PTPRD: variants seen among roughly 807,000 people sequenced by gnomAD.
PTPRD encodes the protein protein tyrosine phosphatase receptor type D.
Under a neutral mutation model 214.5 loss-of-function variants are expected in PTPRD, and 34 were observed. The observed-to-expected ratio is 0.16, with a 90% CI of 0.12 to 0.21. PTPRD has a LOEUF of 0.21. PTPRD is among the 10% of genes least tolerant of loss of function. The pLI is 1.00. For synonymous variants in PTPRD, 1,128 were observed against 845.7 expected (o/e 1.33, Z -5.79); for missense variants, 2,545 against 2,398.7 (o/e 1.06, Z -1.27).
At chr9:9,828,598 A>G (rs1768882) in intron 5 of PTPRD, among the ~76,000 whole-genome samples, 85,497 of 151,908 alleles carry the variant, frequency 0.56, 26,854 homozygotes, top group East Asian at 0.89. Context: ...ACATGTATAC[A>G]TATGTAACAA....
intron 34 of PTPRD, chr9:8,438,798 G>A (rs898707763): frequency 5.9e-5 from 9 of 152,296 alleles, no homozygotes; most frequent in African/African-American, 2.2e-4. Flanking sequence ...GGGAGGCGTA[G>A]GGGACTGAAT....
intron 5 of PTPRD, among the ~76,000 whole-genome samples, chr9:9,795,019 T>C (rs2098993086): frequency 6.6e-6 from 1 of 152,194 alleles, no homozygotes; most frequent in Admixed American, 6.5e-5. Context: ...CAGCTTGAGC[T>C]TCAATGTGCT....
intron 3 of PTPRD, among the ~76,000 whole-genome samples, chr9:10,236,827 T>G (rs1279804292): frequency 6.6e-6 from 1 of 151,952 alleles, no homozygotes; most frequent in African/African-American, 2.4e-5. Flanking sequence ...AGTAACTATG[T>G]ACAATATTTT....
At chr9:9,472,231 C>G (rs1250806352) in intron 8 of PTPRD, among the ~76,000 whole-genome samples, 2 of 118,738 alleles carry the variant, frequency 1.7e-5, no homozygotes, top group South Asian at 2.8e-4. Flanking sequence ...GAGTCTTGCT[C>G]TGTCGCCCAG....
chr9:9,516,867 G>C (rs748531977), intron 8 of PTPRD, among the ~76,000 whole-genome samples: 5 of 151,896 alleles, frequency 3.3e-5, no homozygotes, highest in Non-Finnish European at 7.4e-5. Context: ...AATTACTTCA[G>C]TCCATTTTAT....
rs2061715816 is a variant in PTPRD at position 9,379,874 on chromosome 9, T to G, written c.-203+17575A>C. ...AGGAAAGCAATTACCTTTTGTATCTTAACCTTGTATATGGAATCTTGTTTT... is the reference window on the plus strand; with the variant it reads ...AGGAAAGCAATTACCTTTTGTATCTGAACCTTGTATATGGAATCTTGTTTT... On this transcript the variant is annotated intron_variant, in intron 9 of 45. Transcript: ENST00000381196. Among the ~76,000 whole-genome samples, 3 of 152,048 alleles carry G rather than the reference T, an allele frequency of 2.0e-5. No homozygotes were observed. In the South Asian group the frequency reaches 6.2e-4, roughly 31 times the overall value.
At chr9:8,996,211 A>G (rs2099396001) in intron 11 of PTPRD, among the ~76,000 whole-genome samples, 1 of 152,076 alleles carries the variant, frequency 6.6e-6, no homozygotes. Context: ...ACTGTAAACA[A>G]TCCAAAATTC....
intron 21 of PTPRD, among the ~76,000 whole-genome samples, chr9:8,507,809 A>C (rs1172116892): frequency 1.3e-5 from 2 of 152,198 alleles, no homozygotes; most frequent in African/African-American, 4.8e-5. Context: ...AAAATACCTA[A>C]AAGTATTGTT....
intron 9 of PTPRD, among the ~76,000 whole-genome samples, chr9:9,356,427 G>T (rs79422217): frequency 2.0e-5 from 3 of 151,086 alleles, no homozygotes; most frequent in African/African-American, 7.3e-5. Flanking sequence ...ACAGTCTATT[G>T]TATAATAAAC....
intron 11 of PTPRD, among the ~76,000 whole-genome samples, chr9:8,769,079 T>C (rs1425878148): frequency 6.6e-6 from 1 of 152,182 alleles, no homozygotes; most frequent in South Asian, 2.1e-4. Context: ...TTGTCAATGA[T>C]TTATGAATCA....
At chr9:9,259,356 T>C (rs552640354) in intron 9 of PTPRD, among the ~76,000 whole-genome samples, 3 of 151,864 alleles carry the variant, frequency 2.0e-5, no homozygotes, top group South Asian at 2.1e-4. Flanking sequence ...TATAAAACTA[T>C]GGCTGGAAGG....
intron 11 of PTPRD, among the ~76,000 whole-genome samples, chr9:8,772,963 G>A (rs1196797706): frequency 6.6e-6 from 1 of 152,060 alleles, no homozygotes; most frequent in Non-Finnish European, 1.5e-5. Context: ...TCAGCTTAGG[G>A]TTTAACCTAA....
chr9:8,425,012 A>T (rs1030169218), intron 35 of PTPRD, among the ~76,000 whole-genome samples: 2 of 152,320 alleles, frequency 1.3e-5, no homozygotes, highest in African/African-American at 4.8e-5. Context: ...CTTCACTTTC[A>T]TCTACACTCC....
intron 4 of PTPRD, among the ~76,000 whole-genome samples, chr9:9,949,045 A>C (rs1223764805): frequency 1.3e-5 from 2 of 152,088 alleles, no homozygotes; most frequent in Non-Finnish European, 2.9e-5. Context: ...CGAGAAAACA[A>C]GATGTAGAGC....
intron 14 of PTPRD, among the ~76,000 whole-genome samples, chr9:8,541,885 A>C (rs2078528900): frequency 6.6e-6 from 1 of 152,198 alleles, no homozygotes; most frequent in South Asian, 2.1e-4. Flanking sequence ...TCAAATATCA[A>C]AAATATTAAG....
At chr9:9,245,644 A>C (rs1271241542) in intron 9 of PTPRD, among the ~76,000 whole-genome samples, 1 of 152,130 alleles carries the variant, frequency 6.6e-6, no homozygotes, top group Non-Finnish European at 1.5e-5. Flanking sequence ...GGGGAGGGAT[A>C]GCATTAGGAG....
chr9:9,806,758 A>G lies in PTPRD; in HGVS notation c.-367-39907T>C, dbSNP rs143139368. ...CTTCCCAAAAAGATCTCAGGAGTTG[A>G]GCGAGTGGGCTCAAGCATGCACACT... On this transcript the variant is annotated intron_variant, in intron 5 of 45. Transcript: ENST00000381196. Among the ~76,000 whole-genome samples the G allele has an allele frequency of 5.3e-3, 808 of 152,272 alleles. 5 individuals are homozygous for G. The highest frequency in any genetic ancestry group is 0.018 in the African/African-American group (747 of 41,570).
chr9:10,329,253 T>C (rs2096705386), intron 3 of PTPRD, among the ~76,000 whole-genome samples: 1 of 150,968 alleles, frequency 6.6e-6, no homozygotes, highest in Admixed American at 6.6e-5. Flanking sequence ...CTGGTTGCTT[T>C]TTGTTTGCCT....
At chr9:9,288,174 A>AT (rs1426125563) in intron 9 of PTPRD, among the ~76,000 whole-genome samples, 3 of 151,636 alleles carry the variant, frequency 2.0e-5, no homozygotes, top group East Asian at 3.9e-4. Flanking sequence ...TTTTATAAAG[A>AT]TTTTTTCTTC....
Sources: gnomAD v4.1 joint callset for allele counts (sites outside exome capture counted in the v4.1 genomes callset) on GRCh38, gnomAD v4.1.1 for gene constraint, MANE v1.5 for transcripts, NCBI Gene and HGNC (gene_info 2026-07-23, HGNC 2026-07-21) for gene names.